DOCK4: variants seen among roughly 807,000 people sequenced by gnomAD.
The protein encoded by DOCK4 is dedicator of cytokinesis protein 4.
In DOCK4, 97 loss-of-function variants were observed where a neutral mutation model predicts 268.1. The observed-to-expected ratio is 0.36, with a 90% CI of 0.31 to 0.43. The LOEUF (loss-of-function observed/expected upper bound fraction) is 0.43. Among genes scored for constraint, DOCK4 ranks in the 20% least tolerant of loss-of-function variants. DOCK4 has a pLI of 1.00. For synonymous variants in DOCK4, 954 were observed against 887.2 expected (o/e 1.08, Z -1.34); for missense variants, 2,145 against 2,455.7 (o/e 0.87, Z 2.67).
intron 12 of DOCK4, among the ~76,000 whole-genome samples, chr7:111,928,140 G>A (rs561181957): frequency 1.4e-4 from 22 of 152,260 alleles, no homozygotes; most frequent in African/African-American, 5.3e-4. Flanking sequence ...AAATATGTTT[G>A]TTTGTATACT....
intron 48 of DOCK4, 50 bp from the exon 49 acceptor site, chr7:111,739,293 C>A: frequency 6.3e-7 from 1 of 1,597,500 alleles, no homozygotes; most frequent in Non-Finnish European, 8.6e-7. Flanking sequence ...TGGTGCTGCA[C>A]CTGTTTGGAG....
chr7:111,778,410 T>A (rs1166969321), intron 35 of DOCK4, 41 bp from the exon 36 acceptor site: 1 of 1,334,812 alleles, frequency 7.5e-7, no homozygotes, highest in East Asian at 2.4e-5. Context: ...TCCTCAACAA[T>A]CTGGCCTACA....
intron 13 of DOCK4, 41 bp downstream of exon 13, chr7:111,915,738 T>C (rs1425800243): frequency 1.9e-6 from 3 of 1,600,858 alleles, no homozygotes; most frequent in East Asian, 4.5e-5. Flanking sequence ...ACAGATAGTA[T>C]ACCCATATTT....
In DOCK4 at chr7:111,832,735, C is replaced by T. The variant is rs1255364123; in HGVS notation, c.2835+1853G>A. On this transcript the variant is annotated intron_variant, in intron 26 of 52. Transcript: ENST00000428084. Reference sequence around the variant, plus strand: ...TAGAGATGGGATTTTGCTATGTTGGCCAAGCTGGCCTTGATCTCAGGTGAT... The same window carrying T: ...TAGAGATGGGATTTTGCTATGTTGGTCAAGCTGGCCTTGATCTCAGGTGAT... 2.6e-5 allele frequency among the ~76,000 whole-genome samples: 4 copies of T among 152,114 alleles called. No homozygotes were observed. The East Asian group carries it at 7.7e-4, about 29-fold the overall frequency.
At chr7:111,960,318 C>G (rs1021926423) in intron 8 of DOCK4, among the ~76,000 whole-genome samples, 1 of 148,952 alleles carries the variant, frequency 6.7e-6, no homozygotes, top group Admixed American at 6.7e-5. Flanking sequence ...GAGCCGAGAT[C>G]GCGCCACTGC....
At chr7:111,774,921 G>A (rs1006149243) in intron 36 of DOCK4, among the ~76,000 whole-genome samples, 3 of 152,182 alleles carry the variant, frequency 2.0e-5, no homozygotes, top group Admixed American at 6.5e-5. Flanking sequence ...GGGCACGGGT[G>A]AGCTGTTATA....
chr7:111,935,383 T>C (rs1794650405), intron 12 of DOCK4, 157 bp downstream of exon 12: 2 of 707,778 alleles, frequency 2.8e-6, no homozygotes, highest in Non-Finnish European at 5.2e-6. Flanking sequence ...TATCATAGCA[T>C]AGGAAGACAT....
chr7:112,038,995 T>C (rs759850377), intron 1 of DOCK4, among the ~76,000 whole-genome samples: 1 of 152,232 alleles, frequency 6.6e-6, no homozygotes, highest in South Asian at 2.1e-4. Context: ...CTCCTTTGCT[T>C]CTGAAGAGGT....
At chr7:112,055,109 A>G (rs891333316) in intron 1 of DOCK4, among the ~76,000 whole-genome samples, 6 of 152,214 alleles carry the variant, frequency 3.9e-5, no homozygotes, top group African/African-American at 1.4e-4. Flanking sequence ...TAATGAAACC[A>G]ATTTTACCAA....
chr7:112,134,373 C>T (rs75486442), intron 1 of DOCK4, among the ~76,000 whole-genome samples: 5,809 of 152,252 alleles, frequency 0.038, 179 homozygotes, highest in African/African-American at 0.085. Flanking sequence ...ACCCAATAAA[C>T]TGTGGAAGGT....
chr7:111,808,720 T>C, intron 30 of DOCK4, 101 bp downstream of exon 30: 1 of 1,196,350 alleles, frequency 8.4e-7, no homozygotes, highest in Non-Finnish European at 1.2e-6. Context: ...AGACATTTGG[T>C]TTCACATGGT....
At chr7:111,958,910 C>T (rs1383815539) in intron 8 of DOCK4, among the ~76,000 whole-genome samples, 1 of 152,070 alleles carries the variant, frequency 6.6e-6, no homozygotes, top group Non-Finnish European at 1.5e-5. Context: ...TAAAACTCTC[C>T]CATTATTGAC....
Position 111,728,065 on chromosome 7 carries a change from T to G in DOCK4, c.*209A>C. 1 of 414,780 alleles carries G rather than the reference T, an allele frequency of 2.4e-6. No individual in the cohort carries two copies. The highest frequency in any genetic ancestry group is 4.2e-6 in the Non-Finnish European group (1 of 240,410). 25.7% of individuals were successfully genotyped at this position (414,780 alleles called of 1,614,324 possible). On this transcript the variant is annotated 3_prime_UTR_variant, in exon 53 of 53. Coordinates refer to ENST00000428084, the MANE Select transcript of DOCK4 (RefSeq NM_001363540.2). ...CACTTCCAAATGAGAAACGTTTTAA[T>G]GAAATTCAGCCATACTTCATTTAAC...
At chr7:111,808,569 C>T (rs1586046874) in intron 30 of DOCK4, 1 of 416,610 alleles carries the variant, frequency 2.4e-6, no homozygotes, top group Non-Finnish European at 4.3e-6. Flanking sequence ...TGGAGCAATG[C>T]TAGATTATAA....
At chr7:112,121,518 C>T (rs1812725922) in intron 1 of DOCK4, among the ~76,000 whole-genome samples, 1 of 152,192 alleles carries the variant, frequency 6.6e-6, no homozygotes, top group Non-Finnish European at 1.5e-5. Context: ...GACCTCTTAG[C>T]ATTAGGTTCA....
chr7:112,068,422 C>T (rs1426007047), intron 1 of DOCK4, among the ~76,000 whole-genome samples: 1 of 152,126 alleles, frequency 6.6e-6, no homozygotes, highest in Non-Finnish European at 1.5e-5. Flanking sequence ...CAGCTCCATC[C>T]CTTCTACGTA....
chr7:112,120,400 A>G (rs1168779057), intron 1 of DOCK4, among the ~76,000 whole-genome samples: 1 of 152,228 alleles, frequency 6.6e-6, no homozygotes, highest in Admixed American at 6.5e-5. Context: ...CTCAAATTTC[A>G]CAAATTTTGG....
intron 30 of DOCK4, among the ~76,000 whole-genome samples, chr7:111,797,167 C>T (rs1237588290): frequency 6.6e-6 from 1 of 152,180 alleles, no homozygotes; most frequent in East Asian, 1.9e-4. Flanking sequence ...TTCTTTTGCA[C>T]AAGGACAGGG....
At chr7:111,849,028 T>G (rs2134103821) in intron 23 of DOCK4, among the ~76,000 whole-genome samples, 1 of 152,344 alleles carries the variant, frequency 6.6e-6, no homozygotes, top group Middle Eastern at 3.4e-3. Flanking sequence ...CCCAGAAGAC[T>G]TTGTAACCGG....
Sources: gnomAD v4.1 joint callset for allele counts (sites outside exome capture counted in the v4.1 genomes callset) on GRCh38, gnomAD v4.1.1 for gene constraint, MANE v1.5 for transcripts, NCBI Gene and HGNC (gene_info 2026-07-23, HGNC 2026-07-21) for gene names.